The following HTR1F variants were observed in gnomAD, a reference collection of about 807,000 sequenced individuals.
The protein encoded by HTR1F is 5-hydroxytryptamine (serotonin) receptor 1F, G protein-coupled.
Under a neutral mutation model 24.0 loss-of-function variants are expected in HTR1F, and 17 were observed. The ratio of observed to expected loss-of-function variants is 0.71; its 90% confidence interval spans 0.48 to 1.06. HTR1F has a LOEUF of 1.06. Ranked by LOEUF, HTR1F falls within the 50% of genes least tolerant of loss-of-function variation. The pLI is 0.00. For missense variants in HTR1F, 391 were observed against 427.8 expected, an observed-to-expected ratio of 0.91 and a Z score of 0.76; for synonymous variants, 186 against 156.8, an observed-to-expected ratio of 1.19 and a Z score of -1.39.
At chr3:87,800,598 G>A (rs1354747914) in intron 1 of HTR1F, among the ~76,000 whole-genome samples, 3 of 152,132 alleles carry the variant, frequency 2.0e-5, no homozygotes, top group Non-Finnish European at 4.4e-5. Flanking sequence ...GTACCTGGAG[G>A]CAGAAATGGA....
At chr3:87,843,820 T>C (rs1463134305) in intron 2 of HTR1F, among the ~76,000 whole-genome samples, 1 of 151,782 alleles carries the variant, frequency 6.6e-6, no homozygotes, top group Non-Finnish European at 1.5e-5. Context: ...GAATGATGGT[T>C]TCCAATTTCA....
chr3:87,915,001 G>A (rs1370159601), intron 2 of HTR1F, among the ~76,000 whole-genome samples: 1 of 152,080 alleles, frequency 6.6e-6, no homozygotes, highest in Non-Finnish European at 1.5e-5. Context: ...GAGACCCAAG[G>A]ATGGTTCACA....
intron 2 of HTR1F, among the ~76,000 whole-genome samples, chr3:87,989,764 C>G (rs950976169): frequency 3.9e-5 from 6 of 152,110 alleles, no homozygotes; most frequent in African/African-American, 1.4e-4. Context: ...CCAGACCAAA[C>G]CGAGGGTCAG....
intron 2 of HTR1F, among the ~76,000 whole-genome samples, chr3:87,975,585 A>G (rs1037816418): frequency 5.9e-5 from 9 of 152,196 alleles, no homozygotes; most frequent in Non-Finnish European, 8.8e-5. Context: ...AAGAAACAAG[A>G]TATTTTATTC....
intron 2 of HTR1F, among the ~76,000 whole-genome samples, chr3:87,898,933 G>C (rs1706261240): frequency 6.6e-6 from 1 of 152,058 alleles, no homozygotes; most frequent in Non-Finnish European, 1.5e-5. Flanking sequence ...TCCTACCTAA[G>C]TTACACAGTC....
chr3:87,860,230 A>T (rs372144599), intron 2 of HTR1F, among the ~76,000 whole-genome samples: 1 of 152,248 alleles, frequency 6.6e-6, no homozygotes, highest in Non-Finnish European at 1.5e-5. Context: ...AAATTAAGTC[A>T]CTATAAAATC....
At chr3:87,862,649 A>G (rs1325121439) in intron 2 of HTR1F, among the ~76,000 whole-genome samples, 2 of 151,872 alleles carry the variant, frequency 1.3e-5, no homozygotes, top group African/African-American at 2.4e-5. Context: ...CTAGAAACCC[A>G]CTCTTTATGG....
chr3:87,834,398 A>G (rs570225698), intron 2 of HTR1F, among the ~76,000 whole-genome samples: 2 of 152,270 alleles, frequency 1.3e-5, no homozygotes, highest in East Asian at 1.9e-4. Flanking sequence ...ACAATTTGGG[A>G]CTTAAAAAGC....
intron 2 of HTR1F, among the ~76,000 whole-genome samples, chr3:87,906,424 G>C (rs1463425659): frequency 2.0e-5 from 3 of 151,924 alleles, no homozygotes; most frequent in African/African-American, 7.3e-5. Flanking sequence ...TTTTTATAAT[G>C]TTTTCTCACA....
Position 87,857,623 on chromosome 3 carries a change from A to G in HTR1F, c.-43+35499A>G, listed in dbSNP as rs578191584. On this transcript the variant is annotated intron_variant, in intron 2 of 2. Coordinates refer to ENST00000319595, the MANE Select transcript of HTR1F (RefSeq NM_001322209.2). The stretch of plus-strand genomic sequence containing the variant: ...GTAATTTTAAGCTCACAGAAAAATG[A>G]AAAGGAAGGTACAGAGATTTCACAT... 1.4e-3 allele frequency among the ~76,000 whole-genome samples: 220 copies of G among 152,216 alleles called. 1 individual carries two copies. The highest frequency in any genetic ancestry group is 5.1e-3 in the African/African-American group (210 of 41,534).
chr3:87,894,794 T>G (rs1706164199), intron 2 of HTR1F, among the ~76,000 whole-genome samples: 1 of 151,962 alleles, frequency 6.6e-6, no homozygotes, highest in South Asian at 2.1e-4. Flanking sequence ...ACCAATCACA[T>G]GAGGATTAAG....
intron 2 of HTR1F, among the ~76,000 whole-genome samples, chr3:87,977,393 C>CTTTTT (rs34070984): frequency 8.2e-5 from 6 of 73,080 alleles, no homozygotes; most frequent in African/African-American, 1.9e-4. Flanking sequence ...GAAGCTGAGA[C>CTTTTT]TTTTTTTTTT....
chr3:87,953,653 C>T (rs1704882557), intron 2 of HTR1F, among the ~76,000 whole-genome samples: 1 of 151,636 alleles, frequency 6.6e-6, no homozygotes, highest in Admixed American at 6.6e-5. Flanking sequence ...AAAAATGGAA[C>T]TACTATATAA....
chr3:87,982,799 G>T (rs1334737910), intron 2 of HTR1F, among the ~76,000 whole-genome samples: 1 of 152,268 alleles, frequency 6.6e-6, no homozygotes, highest in African/African-American at 2.4e-5. Context: ...TTGAATAGGG[G>T]TGTCTATTGC....
At chr3:87,920,829 G>T (rs1020205247) in intron 2 of HTR1F, among the ~76,000 whole-genome samples, 1 of 151,840 alleles carries the variant, frequency 6.6e-6, no homozygotes, top group Non-Finnish European at 1.5e-5. Flanking sequence ...CACATGATGT[G>T]AGTACCTATA....
intron 2 of HTR1F, among the ~76,000 whole-genome samples, chr3:87,977,031 C>T (rs1206414503): frequency 6.6e-6 from 1 of 152,160 alleles, no homozygotes; most frequent in East Asian, 1.9e-4. Flanking sequence ...TTTTAACTTA[C>T]ATAATAGGAG....
At chr3:87,896,624 G>A (rs1706204544) in intron 2 of HTR1F, among the ~76,000 whole-genome samples, 1 of 152,134 alleles carries the variant, frequency 6.6e-6, no homozygotes, top group Non-Finnish European at 1.5e-5. Context: ...TCAACAAAGT[G>A]AAAAGGTGAC....
At chr3:87,949,523 G>A (rs1350357400) in intron 2 of HTR1F, among the ~76,000 whole-genome samples, 1 of 152,202 alleles carries the variant, frequency 6.6e-6, no homozygotes, top group East Asian at 1.9e-4. Flanking sequence ...CAGCTTAATA[G>A]CAGGTTATAA....
In HTR1F at chr3:87,825,490, T is replaced by C. The variant is rs146158330; in HGVS notation, c.-43+3366T>C. ...CTTCTATATTCTGTATGTTGTTTGATGGTTCTTTCTCCAGTCTCTCATGCC... is the reference window on the plus strand; with the variant it reads ...CTTCTATATTCTGTATGTTGTTTGACGGTTCTTTCTCCAGTCTCTCATGCC... On this transcript the variant is annotated intron_variant, in intron 2 of 2. Transcript: ENST00000319595. Among the ~76,000 whole-genome samples, 587 of 152,246 alleles carry C rather than the reference T, an allele frequency of 3.9e-3. 6 individuals are homozygous for C. Among genetic ancestry groups the C allele is most frequent in the African/African-American group, 0.014 (564 of 41,544 alleles).
Sources: gnomAD v4.1 joint callset for allele counts (sites outside exome capture counted in the v4.1 genomes callset) on GRCh38, gnomAD v4.1.1 for gene constraint, MANE v1.5 for transcripts, NCBI Gene and HGNC (gene_info 2026-07-23, HGNC 2026-07-21) for gene names.